BCAS1: variants seen among roughly 807,000 people sequenced by gnomAD.
BCAS1 encodes brain enriched myelin associated protein 1.
A neutral mutation model predicts 65.4 loss-of-function variants in BCAS1; 46 were observed. The observed-to-expected ratio is 0.70, with a 90% confidence interval of 0.55 to 0.90. BCAS1 has a LOEUF of 0.90. Among genes scored for constraint, BCAS1 ranks in the 40% least tolerant of loss-of-function variants. The pLI is 0.00. For synonymous variants in BCAS1, 298 were observed against 293.5 expected (o/e 1.02, Z -0.16); for missense variants, 793 against 771.2 (o/e 1.03, Z -0.33).
At chr20:54,063,425 T>C (rs2092399630) in intron 1 of BCAS1, among the ~76,000 whole-genome samples, 1 of 152,222 alleles carries the variant, frequency 6.6e-6, no homozygotes, top group Non-Finnish European at 1.5e-5. Flanking sequence ...TGATCCTTGC[T>C]CTTTGAAGCC....
intron 8 of BCAS1, 27 bp from the exon 9 acceptor site, chr20:53,975,457 G>A: frequency 1.9e-6 from 3 of 1,604,976 alleles, no homozygotes; most frequent in Non-Finnish European, 2.6e-6. Context: ...ACAAAAGTGA[G>A]AGTTAAAAGG....
At chr20:53,981,539 C>CTTTTTTTT (rs36063430) in intron 8 of BCAS1, among the ~76,000 whole-genome samples, 1 of 130,756 alleles carries the variant, frequency 7.6e-6, no homozygotes, top group Non-Finnish European at 1.7e-5. Context: ...ATTTGGCGTT[C>CTTTTTTTT]TTTTTTTTTT....
At chr20:54,040,648 C>T (rs1376424063) in intron 3 of BCAS1, among the ~76,000 whole-genome samples, 1 of 151,206 alleles carries the variant, frequency 6.6e-6, no homozygotes, top group Non-Finnish European at 1.5e-5. Flanking sequence ...CATGATACGT[C>T]TTCACACCCA....
intron 7 of BCAS1, among the ~76,000 whole-genome samples, chr20:53,987,967 A>G (rs937193357): frequency 3.9e-5 from 6 of 152,130 alleles, no homozygotes; most frequent in African/African-American, 1.2e-4. Context: ...TTCCTGGGAG[A>G]ATCTCCATTT....
chr20:54,022,648 T>C (rs1215632684), intron 4 of BCAS1, among the ~76,000 whole-genome samples: 1 of 152,206 alleles, frequency 6.6e-6, no homozygotes, highest in Non-Finnish European at 1.5e-5. Flanking sequence ...ACTTAAGTTC[T>C]CCCCAAGTTC....
chr20:54,056,597 T>C (rs1230808094), intron 3 of BCAS1, among the ~76,000 whole-genome samples: 1 of 152,140 alleles, frequency 6.6e-6, no homozygotes, highest in African/African-American at 2.4e-5. Context: ...ACCCTAAAGC[T>C]ATGATTTTTT....
Position 53,944,822 on chromosome 20 carries a change from A to T in BCAS1, c.*100T>A. The stretch of plus-strand genomic sequence containing the variant: ...CTAGGCAGAATTTCATTTGCTGGCC[A>T]TCAGAAGAATATATACATGGAGCGT... On this transcript the variant is annotated 3_prime_UTR_variant, in exon 13 of 13. Transcript: ENST00000688948. 2.7e-6 allele frequency: 3 copies of T among 1,113,270 alleles called. No individual in the cohort carries two copies. Among genetic ancestry groups the T allele is most frequent in the Non-Finnish European group, 2.8e-6 (2 of 725,594 alleles). 69.0% of individuals were successfully genotyped at this position (1,113,270 alleles called of 1,614,324 possible). A position where few individuals can be genotyped will look rare whatever the true frequency, so the allele number is the denominator to read the frequency against.
intron 4 of BCAS1, among the ~76,000 whole-genome samples, chr20:54,024,965 C>G (rs1463067833): frequency 3.3e-5 from 5 of 152,150 alleles, no homozygotes; most frequent in African/African-American, 1.2e-4. Context: ...ATGCACTTAT[C>G]ACAATGTCTC....
At chr20:53,951,168 T>C (rs953552406) in intron 12 of BCAS1, among the ~76,000 whole-genome samples, 1 of 152,116 alleles carries the variant, frequency 6.6e-6, no homozygotes, top group African/African-American at 2.4e-5. Flanking sequence ...GAATAAATCA[T>C]GGGTTAAAAA....
intron 3 of BCAS1, among the ~76,000 whole-genome samples, chr20:54,048,161 T>C (rs1185212129): frequency 6.6e-6 from 1 of 152,102 alleles, no homozygotes; most frequent in Non-Finnish European, 1.5e-5. Flanking sequence ...GAGAGACATA[T>C]AGCAATGTGA....
chr20:54,011,544 AC>A (rs1272694752), intron 4 of BCAS1, among the ~76,000 whole-genome samples: 2 of 152,228 alleles, frequency 1.3e-5, no homozygotes, highest in African/African-American at 2.4e-5. Context: ...ACGAGACATC[AC>A]TATGCACCCA....
intron 4 of BCAS1, among the ~76,000 whole-genome samples, chr20:54,000,000 G>C (rs1315907315): frequency 6.6e-6 from 1 of 152,190 alleles, no homozygotes; most frequent in African/African-American, 2.4e-5. Context: ...AAAGTGCTAG[G>C]ATTACAGGCA....
At chr20:53,973,419 ATTTAACT>A (rs2090236060) in intron 9 of BCAS1, among the ~76,000 whole-genome samples, 1 of 152,122 alleles carries the variant, frequency 6.6e-6, no homozygotes, top group Non-Finnish European at 1.5e-5. Context: ...GGTGTCGATA[ATTTAACT>A]TTTAATTCCT....
chr20:53,994,286 G>A (rs1001152584), intron 6 of BCAS1, among the ~76,000 whole-genome samples: 22 of 152,180 alleles, frequency 1.4e-4, no homozygotes, highest in African/African-American at 5.1e-4. Context: ...AACTTAAACC[G>A]TGTATTCCAC....
At chr20:53,992,685 T>C in intron 6 of BCAS1, 39 bp from the exon 7 acceptor site, 1 of 1,362,792 alleles carries the variant, frequency 7.3e-7, no homozygotes, top group East Asian at 4.6e-5. Context: ...GAACTTTGTT[T>C]TTGAACAAAA....
At chr20:54,009,261 A>G (rs958226754) in intron 4 of BCAS1, among the ~76,000 whole-genome samples, 8 of 152,250 alleles carry the variant, frequency 5.3e-5, no homozygotes, top group Non-Finnish European at 1.2e-4. Context: ...TGAAAGGTAT[A>G]ATAATGAAAA....
chr20:54,065,666 G>T (rs16998886), intron 1 of BCAS1, among the ~76,000 whole-genome samples: 23,162 of 152,202 alleles, frequency 0.15, 2,084 homozygotes, highest in East Asian at 0.32. Context: ...GTCACCTAGG[G>T]ATCTGCATTT....
Position 53,951,614 on chromosome 20 carries a change from A to C in BCAS1, c.1815+1818T>G, listed in dbSNP as rs577494962. On this transcript the variant is annotated intron_variant, in intron 12 of 12. Coordinates refer to ENST00000688948, the MANE Select transcript of BCAS1 (RefSeq NM_001366298.2). ...CAATCAGGAGCTTTGTGGCATCCCA[A>C]GTTGGACCCCAAAACTACTCAATCA... Among the ~76,000 whole-genome samples the C allele has an allele frequency of 3.9e-5, 6 of 152,328 alleles. No homozygotes were observed. The South Asian group carries it at 1.2e-3, about 32-fold the overall frequency.
At chr20:54,028,995 T>C (rs466264) in intron 3 of BCAS1, 23 bp from the exon 4 acceptor site, 1,022,151 of 1,575,666 alleles carry the variant, frequency 0.65, 334,564 homozygotes, top group East Asian at 0.9. Context: ...ACATAAACAG[T>C]GGTTATTCAG....
Sources: gnomAD v4.1 joint callset for allele counts (sites outside exome capture counted in the v4.1 genomes callset) on GRCh38, gnomAD v4.1.1 for gene constraint, MANE v1.5 for transcripts, NCBI Gene and HGNC (gene_info 2026-07-23, HGNC 2026-07-21) for gene names.